Variants in THOC5 observed in about 807,000 individuals in gnomAD.
THOC5 encodes Fms-interacting protein.
Under a neutral mutation model 92.9 loss-of-function variants are expected in THOC5, and 43 were observed. That is an observed-to-expected ratio of 0.46 (90% CI 0.36 to 0.60). The LOEUF is 0.60. THOC5 is among the 20% of genes least tolerant of loss of function. The probability of loss-of-function intolerance (pLI) is 0.00; values close to 1 mark genes in which losing one functional copy is unlikely to be tolerated. For missense variants in THOC5, 659 were observed against 849.4 expected (o/e 0.78, Z 2.79); for synonymous variants, 296 against 320.1 (o/e 0.92, Z 0.80).
intron 3 of THOC5, among the ~76,000 whole-genome samples, chr22:29,543,995 T>A (rs2063958776): frequency 6.6e-6 from 1 of 151,992 alleles, no homozygotes; most frequent in Non-Finnish European, 1.5e-5. Flanking sequence ...GTGAGATTCC[T>A]GGGGGAAAAA....
At chr22:29,528,788 C>T (rs896396969) in intron 9 of THOC5, 3 of 500,422 alleles carry the variant, frequency 6.0e-6, no homozygotes, top group Non-Finnish European at 1.1e-5. Flanking sequence ...GTAGTAGAAG[C>T]ATGCATAACT....
Position 29,539,407 on chromosome 22 carries a change from G to A in THOC5, c.522C>T (p.Ser174=). The A allele has an allele frequency of 6.2e-7, 1 of 1,614,122 alleles. No homozygotes were observed. The highest frequency in any genetic ancestry group is 2.2e-5 in the East Asian group (1 of 44,894). Residue 174 remains serine (S), a synonymous_variant, in exon 6 of 20, where the codon AGC becomes AGT. Transcript: ENST00000490103. ...GGTCTCCCATGGTGACTTCGGCCTT[G>A]CTGATATCTGGTGGAGCCTCCTTAT... ...EFYKEAPPDI[S]KAEVTMGDPH...
At chr22:29,512,205 C>G (rs1039763528) in intron 17 of THOC5, 69 bp from the exon 18 acceptor site, 1 of 1,212,104 alleles carries the variant, frequency 8.3e-7, no homozygotes, top group African/African-American at 1.5e-5. Flanking sequence ...GCAGCCTCCC[C>G]ACTGCACCCC....
chr22:29,552,954 C>G (rs967237589), intron 1 of THOC5, among the ~76,000 whole-genome samples: 4 of 152,272 alleles, frequency 2.6e-5, no homozygotes, highest in African/African-American at 9.6e-5. Flanking sequence ...ACCCCGTGCT[C>G]TCTGAAACAT....
intron 8 of THOC5, chr22:29,531,477 C>T (rs548425450): frequency 9.6e-7 from 1 of 1,037,920 alleles, no homozygotes; most frequent in Non-Finnish European, 1.2e-6. Context: ...TCACCAGGCA[C>T]CCCCACCCTG....
intron 12 of THOC5, among the ~76,000 whole-genome samples, chr22:29,521,533 G>A (rs996842663): frequency 5.9e-5 from 9 of 152,268 alleles, no homozygotes; most frequent in African/African-American, 2.2e-4. Flanking sequence ...CATAAAAGCA[G>A]AACAGACTCC....
intron 14 of THOC5, among the ~76,000 whole-genome samples, chr22:29,519,531 TTG>T (rs1444266869): frequency 1.3e-5 from 2 of 152,274 alleles, no homozygotes; most frequent in East Asian, 3.9e-4. Flanking sequence ...ACGTAAACTC[TTG>T]TAAGTCTAAG....
At chr22:29,541,628 G>A (rs1361607317) in intron 5 of THOC5, among the ~76,000 whole-genome samples, 3 of 151,070 alleles carry the variant, frequency 2.0e-5, no homozygotes, top group East Asian at 3.9e-4. Context: ...TTGGGAGGCT[G>A]AGGCAGGCGG....
At chr22:29,551,717 C>T (rs1344561269) in intron 1 of THOC5, among the ~76,000 whole-genome samples, 2 of 152,028 alleles carry the variant, frequency 1.3e-5, no homozygotes, top group African/African-American at 4.8e-5. Flanking sequence ...CGCCACTGCA[C>T]TCAGTCTTGA....
In THOC5 at chr22:29,553,141, C is replaced by A. The variant is rs925182017; in HGVS notation, c.-12+530G>T. ...TCCTCTGCCTAGGAAAACCAGAGAC[C>A]TTTGTTCACTTGTTTATCTGCTGAC... On this transcript the variant is annotated intron_variant, in intron 1 of 19. Transcript: ENST00000490103. Among the ~76,000 whole-genome samples, 8 of 152,284 alleles carry A rather than the reference C, an allele frequency of 5.3e-5. No individual in the cohort carries two copies. The South Asian group carries it at 1.7e-3, about 32-fold the overall frequency.
intron 17 of THOC5, among the ~76,000 whole-genome samples, chr22:29,516,147 GAAA>G (rs57982377): frequency 1.6e-5 from 2 of 122,028 alleles, no homozygotes; most frequent in Non-Finnish European, 1.7e-5. Context: ...TATCTCTACT[GAAA>G]AAAAAAAAAA....
Position 29,510,390 on chromosome 22 carries a change from A to G in THOC5, c.1988+716T>C, listed in dbSNP as rs58189880. 0.024 allele frequency among the ~76,000 whole-genome samples: 3,666 copies of G among 152,278 alleles called. 362 individuals are homozygous for G. The East Asian group carries it at 0.35, about 15-fold the overall frequency. On this transcript the variant is annotated intron_variant, in intron 19 of 19. Coordinates refer to ENST00000490103, the MANE Select transcript of THOC5 (RefSeq NM_003678.5). The stretch of plus-strand genomic sequence containing the variant: ...GACAAGCTGATCACTTGAGCCTAGG[A>G]GTTTGAGACCAGCCTGGCTAATATG...
chr22:29,544,430 G>A, intron 3 of THOC5, 30 bp downstream of exon 3: 1 of 1,606,024 alleles, frequency 6.2e-7, no homozygotes, highest in African/African-American at 1.3e-5. Context: ...AAACCCACCA[G>A]GTTCACGGCC....
chr22:29,552,023 G>T (rs1229442455), intron 1 of THOC5, among the ~76,000 whole-genome samples: 12 of 152,224 alleles, frequency 7.9e-5, no homozygotes, highest in Middle Eastern at 6.3e-3. Context: ...CTGACCGCGA[G>T]TGATCGGCCA....
At chr22:29,545,480 G>A (rs760142133) in intron 2 of THOC5, among the ~76,000 whole-genome samples, 10 of 152,068 alleles carry the variant, frequency 6.6e-5, no homozygotes, top group Non-Finnish European at 1.2e-4. Context: ...AGCCCCTTCC[G>A]CCTATGAGCC....
chr22:29,528,308 C>T, intron 10 of THOC5, 118 bp downstream of exon 10: 1 of 1,613,970 alleles, frequency 6.2e-7, no homozygotes, highest in Non-Finnish European at 8.5e-7. Context: ...TCAGACTCCC[C>T]TCCCAGCAGC....
At chr22:29,525,595 C>A (rs1209660135) in intron 12 of THOC5, among the ~76,000 whole-genome samples, 16 of 152,190 alleles carry the variant, frequency 1.1e-4, no homozygotes. Flanking sequence ...ACTCAATTTG[C>A]AAATATGCTG....
chr22:29,540,229 G>A (rs560000237), intron 5 of THOC5, among the ~76,000 whole-genome samples: 3 of 152,132 alleles, frequency 2.0e-5, no homozygotes, highest in African/African-American at 2.4e-5. Context: ...CCAGGATTGC[G>A]CCATTGCACT....
rs573802821 is a variant in THOC5, at chr22:29,553,242, AAAAC to A, written c.-12+425_-12+428del. On this transcript the variant is annotated intron_variant, in intron 1 of 19. Transcript: ENST00000490103. ...CACCCAAGAATTATCAATAAATACTAAAACAAACAAACAAACAAATTTTTAATAA... is the reference window on the plus strand; with the variant it reads ...CACCCAAGAATTATCAATAAATACTAAAACAAACAAACAAATTTTTAATAA... Among the ~76,000 whole-genome samples the A allele has an allele frequency of 2.2e-4, 34 of 152,334 alleles. 1 individual carries two copies. The highest frequency in any genetic ancestry group is 6.8e-3 in the Middle Eastern group (2 of 294).
Sources: allele counts gnomAD v4.1 joint callset (sites outside exome capture counted in the v4.1 genomes callset), GRCh38; gene constraint gnomAD v4.1.1; transcripts MANE v1.5; gene names NCBI Gene and HGNC (gene_info 2026-07-23, HGNC 2026-07-21).